The following RXRA variants were observed in gnomAD, a reference collection of about 807,000 sequenced individuals.
RXRA encodes the protein retinoic acid receptor RXR-alpha.
Under a neutral mutation model 44.5 loss-of-function variants are expected in RXRA, and 5 were observed. That is an observed-to-expected ratio of 0.11 (90% CI 0.06 to 0.24). The LOEUF (loss-of-function observed/expected upper bound fraction) is 0.24. Ranked by LOEUF, RXRA falls within the 10% of genes least tolerant of loss-of-function variation. The pLI, the probability that RXRA is intolerant of heterozygous loss-of-function variation, is 1.00. For synonymous variants in RXRA, 291 were observed against 271.4 expected (o/e 1.07, Z -0.71); for missense variants, 412 against 646.5 (o/e 0.64, Z 3.93).
At chr9:134,337,404 C>T (rs572350221) in intron 1 of RXRA, among the ~76,000 whole-genome samples, 1 of 152,352 alleles carries the variant, frequency 6.6e-6, no homozygotes, top group East Asian at 1.9e-4. Context: ...CTCAAGCGGG[C>T]AGTAGTGGTC....
At chr9:134,400,551 G>C (rs950965048) in intron 1 of RXRA, among the ~76,000 whole-genome samples, 3 of 152,240 alleles carry the variant, frequency 2.0e-5, no homozygotes, top group African/African-American at 4.8e-5. Flanking sequence ...AGTGCCTCCA[G>C]CTCCCGGCAC....
intron 1 of RXRA, among the ~76,000 whole-genome samples, chr9:134,390,193 T>TAAGGG: frequency 6.6e-6 from 1 of 152,182 alleles, no homozygotes; most frequent in East Asian, 1.9e-4. Context: ...TCCCTGGGCT[T>TAAGGG]AAGGGAAGGG....
chr9:134,373,046 G>A lies in RXRA; in HGVS notation c.29-28586G>A, dbSNP rs144327456. On this transcript the variant is annotated intron_variant, in intron 1 of 9. Transcript: ENST00000481739. ...GGGCTGTGGCGTCTGCCCCGGGTTC[G>A]TCAGCAGGGGAGGGGCCCTGGAGAC... 7.2e-3 allele frequency among the ~76,000 whole-genome samples: 1,096 copies of A among 152,300 alleles called. 15 individuals are homozygous for A. Among genetic ancestry groups the A allele is most frequent in the African/African-American group, 0.025 (1,035 of 41,558 alleles).
At chr9:134,332,679 T>A (rs1588245906) in intron 1 of RXRA, among the ~76,000 whole-genome samples, 1 of 152,002 alleles carries the variant, frequency 6.6e-6, no homozygotes, top group African/African-American at 2.4e-5. Flanking sequence ...CGGGCGTAGG[T>A]GCATGGGTGC....
At chr9:134,339,206 A>G (rs1364494258) in intron 1 of RXRA, among the ~76,000 whole-genome samples, 1 of 152,224 alleles carries the variant, frequency 6.6e-6, no homozygotes, top group Non-Finnish European at 1.5e-5. Flanking sequence ...AGCTCTTGGC[A>G]GAAAGGCCAG....
At chr9:134,382,095 A>G (rs1221676619) in intron 1 of RXRA, among the ~76,000 whole-genome samples, 3 of 149,010 alleles carry the variant, frequency 2.0e-5, no homozygotes, top group African/African-American at 7.4e-5. Context: ...CTCCCACCCC[A>G]CCAAGATGCA....
chr9:134,344,465 C>T (rs1830124796), intron 1 of RXRA, among the ~76,000 whole-genome samples: 1 of 152,164 alleles, frequency 6.6e-6, no homozygotes, highest in African/African-American at 2.4e-5. Context: ...TGACAAAAGC[C>T]CCAACCCTGG....
intron 1 of RXRA, among the ~76,000 whole-genome samples, chr9:134,339,517 GT>G (rs1830056701): frequency 1.3e-5 from 2 of 149,488 alleles, no homozygotes; most frequent in South Asian, 4.2e-4. Context: ...GTGTGAGTCT[GT>G]GTGTGTGTGT....
chr9:134,428,939 C>G lies in RXRA; in HGVS notation c.911-169C>G, dbSNP rs79489013. On this transcript the variant is annotated intron_variant, in intron 6 of 9. Transcript: ENST00000481739. ...GTGCCGGTGTGTACTGTAGAACGGGCATTCTCAGGAACCTCTTTTCTGTGG... is the reference window on the plus strand; with the variant it reads ...GTGCCGGTGTGTACTGTAGAACGGGGATTCTCAGGAACCTCTTTTCTGTGG... Among the ~76,000 whole-genome samples the G allele has an allele frequency of 1.9e-3, 291 of 152,322 alleles. 1 individual carries two copies. Among genetic ancestry groups the G allele is most frequent in the African/African-American group, 6.9e-3 (285 of 41,584 alleles).
chr9:134,427,704 G>T (rs1831457840), intron 6 of RXRA, among the ~76,000 whole-genome samples: 1 of 152,208 alleles, frequency 6.6e-6, no homozygotes, highest in Non-Finnish European at 1.5e-5. Flanking sequence ...TGTGCTGGGA[G>T]GGTGTGGAGG....
chr9:134,369,231 T>TG (rs1280129334), intron 1 of RXRA, among the ~76,000 whole-genome samples: 1 of 32,730 alleles, frequency 3.1e-5, no homozygotes, highest in Non-Finnish European at 5.3e-5. Context: ...GGGTTATGTG[T>TG]GGGGGGGTTA....
intron 1 of RXRA, among the ~76,000 whole-genome samples, chr9:134,334,758 C>T (rs1177992407): frequency 6.6e-6 from 1 of 152,230 alleles, no homozygotes; most frequent in Non-Finnish European, 1.5e-5. Flanking sequence ...GGGACCAGCT[C>T]CCTGGGAAAT....
intron 1 of RXRA, among the ~76,000 whole-genome samples, chr9:134,382,996 T>TG (rs1283704038): frequency 6.6e-6 from 1 of 152,174 alleles, no homozygotes; most frequent in Non-Finnish European, 1.5e-5. Context: ...GGGGCTGCAG[T>TG]GGGACTGGAG....
At chr9:134,432,134 C>G (rs1271495186) in intron 8 of RXRA, 138 bp downstream of exon 8, 1 of 639,894 alleles carries the variant, frequency 1.6e-6, no homozygotes, top group African/African-American at 1.8e-5. Flanking sequence ...AGTGTGCCCC[C>G]CTCCCAGTGA....
chr9:134,396,657 G>C (rs1830884090), intron 1 of RXRA, among the ~76,000 whole-genome samples: 1 of 152,054 alleles, frequency 6.6e-6, no homozygotes, highest in African/African-American at 2.4e-5. Context: ...CTCCTCCCGG[G>C]CACCCTGCCT....
Position 134,407,523 on chromosome 9 carries a change from C to G in RXRA, c.280-626C>G, listed in dbSNP as rs1248705778. 1.3e-5 allele frequency among the ~76,000 whole-genome samples: 2 copies of G among 152,196 alleles called. No homozygotes were observed. Among genetic ancestry groups the G allele is most frequent in the Non-Finnish European group, 2.9e-5 (2 of 68,030 alleles). ...TTTCCCACGCTTGCCCGGGCGGCAG[C>G]GTGCGGGCCGGCGGGTGGGGCGGAG... is the stretch of plus-strand genomic sequence containing the variant. On this transcript the variant is annotated intron_variant, in intron 2 of 9. Transcript: ENST00000481739. This position sits in a 1 kb window ranked among gnomAD's most constrained non-coding sequence, Gnocchi z 4.8.
intron 1 of RXRA, among the ~76,000 whole-genome samples, chr9:134,386,367 C>T (rs915762776): frequency 6.6e-6 from 1 of 152,188 alleles, no homozygotes; most frequent in Non-Finnish European, 1.5e-5. Context: ...GCCTGGCGGG[C>T]GGGGGACCGC....
intron 4 of RXRA, among the ~76,000 whole-genome samples, 153 bp downstream of exon 4, chr9:134,409,272 G>A (rs909528684): frequency 5.3e-5 from 8 of 152,174 alleles, no homozygotes; most frequent in Non-Finnish European, 1.0e-4. Flanking sequence ...GGGGCCCAGC[G>A]CGTGGGCACA....
chr9:134,339,884 C>T (rs1830065373), intron 1 of RXRA, among the ~76,000 whole-genome samples: 1 of 143,942 alleles, frequency 6.9e-6, no homozygotes, highest in Non-Finnish European at 1.5e-5. Flanking sequence ...CATCCATGCC[C>T]TTGTGTGAGC....
Sources: gnomAD v4.1 joint callset for allele counts (sites outside exome capture counted in the v4.1 genomes callset) on GRCh38, gnomAD v4.1.1 for gene constraint, Gnocchi (gnomAD v3.1) non-coding constraint, MANE v1.5 for transcripts, NCBI Gene and HGNC (gene_info 2026-07-23, HGNC 2026-07-21) for gene names.